The following ALG12 variants were observed in gnomAD, a reference collection of about 807,000 sequenced individuals.
ALG12 encodes the protein ALG12 alpha-1,6-mannosyltransferase.
In ALG12, 36 loss-of-function variants were observed where a neutral mutation model predicts 46.0. The ratio of observed to expected loss-of-function variants is 0.78; its 90% confidence interval spans 0.60 to 1.03. The LOEUF is 1.03. Ranked by LOEUF, ALG12 falls within the 50% of genes least tolerant of loss-of-function variation. The probability of loss-of-function intolerance (pLI) is 0.00; values close to 1 mark genes in which losing one functional copy is unlikely to be tolerated. For missense variants in ALG12, 599 were observed against 633.5 expected, an observed-to-expected ratio of 0.95 and a Z score of 0.58; for synonymous variants, 326 against 291.6, an observed-to-expected ratio of 1.12 and a Z score of -1.20.
the ALG12 span, among the ~76,000 whole-genome samples, chr22:49,868,463 C>T: frequency 2.6e-5 from 4 of 152,110 alleles, no homozygotes; most frequent in Non-Finnish European, 4.4e-5. Context: ...CCTGTCATCC[C>T]AGCTACTGAG....
the ALG12 span, among the ~76,000 whole-genome samples, chr22:49,895,223 C>T: frequency 6.6e-6 from 1 of 152,190 alleles, no homozygotes; most frequent in Non-Finnish European, 1.5e-5. Flanking sequence ...GAGGCAGAGG[C>T]ATTTGCAGGG....
downstream of ALG12, among the ~76,000 whole-genome samples, chr22:49,897,475 G>T (rs1042123842): frequency 3.3e-5 from 5 of 152,066 alleles, no homozygotes; most frequent in African/African-American, 1.2e-4. Flanking sequence ...CTCCACATCC[G>T]CACCAGCACT....
chr22:49,875,363 A>T, the ALG12 span, among the ~76,000 whole-genome samples: 1 of 149,750 alleles, frequency 6.7e-6, no homozygotes, highest in Non-Finnish European at 1.5e-5. Flanking sequence ...GAGTTTTTGT[A>T]GTTTCTGTCT....
At position 49,913,546 on chromosome 22, in the gene ALG12, C is replaced by T. The variant is rs762325749; in HGVS notation, c.163-29G>A. ...CGAGGAGAAGGGCAGGTCAGTGCAC[C>T]GGGGCCCTGCCAGCTGGTAACATGA... On this transcript the variant is annotated intron_variant, in intron 2 of 9. Transcript: ENST00000330817. 16 of 1,613,772 alleles carry T rather than the reference C, an allele frequency of 9.9e-6. No homozygotes were observed. In the Admixed American group the frequency reaches 1.0e-4, roughly 10 times the overall value.
the ALG12 span, among the ~76,000 whole-genome samples, chr22:49,869,425 A>G: frequency 6.6e-6 from 1 of 152,178 alleles, no homozygotes; most frequent in Non-Finnish European, 1.5e-5. Context: ...TGACTGGAGA[A>G]CACTCTTGCG....
At chr22:49,869,465 C>A in the ALG12 span, among the ~76,000 whole-genome samples, 1 of 152,182 alleles carries the variant, frequency 6.6e-6, no homozygotes, top group Non-Finnish European at 1.5e-5. Flanking sequence ...CTTAGAGACA[C>A]GTTCTGTGTT....
chr22:49,904,532 T>C (rs758145352), intron 7 of ALG12, 26 bp from the exon 8 acceptor site: 8 of 1,613,550 alleles, frequency 5.0e-6, no homozygotes, highest in African/African-American at 2.7e-5. Context: ...TTACACATCA[T>C]AGGCAGAACG....
chr22:49,880,406 C>G, the ALG12 span, among the ~76,000 whole-genome samples: 2 of 152,190 alleles, frequency 1.3e-5, no homozygotes, highest in East Asian at 3.8e-4. Context: ...CTCCCGCGCT[C>G]GGGACATGCT....
the ALG12 span, among the ~76,000 whole-genome samples, chr22:49,862,391 A>G: frequency 4.6e-5 from 7 of 152,404 alleles, no homozygotes; most frequent in South Asian, 1.4e-3. Flanking sequence ...GGCGTAAGCC[A>G]CTGCGCCCAG....
the ALG12 span, among the ~76,000 whole-genome samples, chr22:49,876,591 G>A: frequency 3.9e-5 from 6 of 151,958 alleles, no homozygotes; most frequent in East Asian, 5.8e-4. Flanking sequence ...GCTTTCTCTC[G>A]GTTTGTATTA....
rs767855552 is a variant in ALG12 at position 49,913,368 on chromosome 22, G to A, written c.295+17C>T. 28 of 1,613,416 alleles carry A rather than the reference G, an allele frequency of 1.7e-5. No homozygotes were observed. The highest frequency in any genetic ancestry group is 1.6e-4 in the Middle Eastern group (1 of 6,084). ...ACAGTCCCTCACTCCCTCCTCCTTTGTTGAAGACCCCCTTACCTATTAGCT... is the reference window on the plus strand; with the variant it reads ...ACAGTCCCTCACTCCCTCCTCCTTTATTGAAGACCCCCTTACCTATTAGCT... On this transcript the variant is annotated intron_variant, in intron 3 of 9. Coordinates refer to ENST00000330817, the MANE Select transcript of ALG12 (RefSeq NM_024105.4).
the ALG12 span, among the ~76,000 whole-genome samples, chr22:49,874,720 G>A: frequency 7.5e-3 from 791 of 104,866 alleles, 3 homozygotes; most frequent in Non-Finnish European, 0.011. Flanking sequence ...TCACTCTGTC[G>A]CCAGGCTGGA....
At chr22:49,890,978 T>C in the ALG12 span, among the ~76,000 whole-genome samples, 3 of 150,504 alleles carry the variant, frequency 2.0e-5, no homozygotes, top group East Asian at 5.8e-4. Context: ...TGCAGCTAGC[T>C]GAGATTGTGC....
Position 49,913,859 on chromosome 22 carries a change from C to G in ALG12, c.-78-16G>C. ...TCCACGCATGCTGGAAAAGTGGAAACAGATTCCTGAGGTTCGAAAGTCACG... is the reference window on the plus strand; with the variant it reads ...TCCACGCATGCTGGAAAAGTGGAAAGAGATTCCTGAGGTTCGAAAGTCACG... On this transcript the variant is annotated splice_polypyrimidine_tract_variant and intron_variant, in intron 1 of 9. Coordinates refer to ENST00000330817, the MANE Select transcript of ALG12 (RefSeq NM_024105.4). 2 of 1,554,450 alleles carry G rather than the reference C, an allele frequency of 1.3e-6. No homozygotes were observed. Among genetic ancestry groups the G allele is most frequent in the Non-Finnish European group, 1.8e-6 (2 of 1,136,826 alleles).
chr22:49,872,799 G>C, the ALG12 span, among the ~76,000 whole-genome samples: 1 of 151,864 alleles, frequency 6.6e-6, no homozygotes, highest in Non-Finnish European at 1.5e-5. Context: ...CTGCCTCCCA[G>C]GTTCAAGCGA....
rs529184410 is a variant in ALG12, at chr22:49,905,526, G to A, written c.993-1020C>T. On this transcript the variant is annotated intron_variant, in intron 7 of 9. Coordinates refer to ENST00000330817, the MANE Select transcript of ALG12 (RefSeq NM_024105.4). This position sits in a 1 kb window ranked among gnomAD's most constrained non-coding sequence, Gnocchi z 4.9. The stretch of plus-strand genomic sequence containing the variant: ...CTCCATGCTGTTCTCCTCATACCGA[G>A]TGAGTTCTCGAGAGGTCTGCTTGTT... Among the ~76,000 whole-genome samples, 1 of 152,308 alleles carries A rather than the reference G, an allele frequency of 6.6e-6. No homozygotes were observed. The highest frequency in any genetic ancestry group is 1.9e-4 in the East Asian group (1 of 5,174).
chr22:49,895,076 G>C, the ALG12 span, among the ~76,000 whole-genome samples: 7,366 of 152,272 alleles, frequency 0.048, 563 homozygotes, highest in African/African-American at 0.16. Context: ...CTGAGCCCCA[G>C]GTGACACCAT....
At chr22:49,893,178 C>G in the ALG12 span, among the ~76,000 whole-genome samples, 1 of 152,134 alleles carries the variant, frequency 6.6e-6, no homozygotes, top group Admixed American at 6.6e-5. Flanking sequence ...AGAGACACAG[C>G]GCAAGAGAAA....
chr22:49,885,902 C>G, the ALG12 span: 1 of 1,048,082 alleles, frequency 9.5e-7, no homozygotes, highest in Non-Finnish European at 1.5e-6. Context: ...CTGACCCTCA[C>G]GGCCCACTGG....
Sources: allele counts gnomAD v4.1 joint callset (sites outside exome capture counted in the v4.1 genomes callset), GRCh38; gene constraint gnomAD v4.1.1; non-coding constraint Gnocchi (gnomAD v3.1); transcripts MANE v1.5; gene names NCBI Gene and HGNC (gene_info 2026-07-23, HGNC 2026-07-21).